The following CPEB3 variants were observed in gnomAD, a reference collection of about 807,000 sequenced individuals.
CPEB3 encodes the protein cytoplasmic polyadenylation element-binding protein 3.
A neutral mutation model predicts 67.2 loss-of-function variants in CPEB3; 20 were observed. The observed-to-expected ratio is 0.30, with a 90% CI of 0.21 to 0.43. CPEB3 has a LOEUF of 0.43. CPEB3 is among the 20% of genes least tolerant of loss of function. The probability of loss-of-function intolerance (pLI) is 1.00; values close to 1 mark genes in which losing one functional copy is unlikely to be tolerated. For synonymous variants in CPEB3, 376 were observed against 393.1 expected (o/e 0.96, Z 0.51); for missense variants, 746 against 968.6 (o/e 0.77, Z 3.05).
intron 6 of CPEB3, among the ~76,000 whole-genome samples, chr10:92,118,070 T>C (rs2133572387): frequency 6.6e-6 from 1 of 152,300 alleles, no homozygotes; most frequent in Middle Eastern, 3.4e-3. Context: ...CTTTTAAATA[T>C]CCCTAATACA....
At chr10:92,252,133 G>A (rs780436114) in intron 1 of CPEB3, among the ~76,000 whole-genome samples, 2 of 150,794 alleles carry the variant, frequency 1.3e-5, no homozygotes, top group Non-Finnish European at 3.0e-5. Context: ...CCCAAGAATA[G>A]GCAAAAGATT....
chr10:92,219,580 T>A (rs574618192), intron 2 of CPEB3, among the ~76,000 whole-genome samples: 2 of 152,314 alleles, frequency 1.3e-5, no homozygotes, highest in Admixed American at 6.5e-5. Context: ...TTTTCACATA[T>A]AACGAATCTC....
chr10:92,074,000 A>C (rs1276990303), intron 9 of CPEB3, among the ~76,000 whole-genome samples: 5 of 152,248 alleles, frequency 3.3e-5, no homozygotes, highest in Admixed American at 6.5e-5. Context: ...AAGTAGAAAA[A>C]GAAAGCTGTG....
At chr10:92,158,538 CTT>C (rs1348875330) in intron 4 of CPEB3, among the ~76,000 whole-genome samples, 7 of 152,188 alleles carry the variant, frequency 4.6e-5, no homozygotes, top group African/African-American at 1.7e-4. Flanking sequence ...CACTCTCTCT[CTT>C]CATAGATTCC....
At chr10:92,259,609 A>C (rs953876151) in intron 1 of CPEB3, among the ~76,000 whole-genome samples, 22 of 152,086 alleles carry the variant, frequency 1.4e-4, no homozygotes, top group Non-Finnish European at 4.4e-5. Context: ...CTCAAAAAAA[A>C]AAAAAAATCA....
Position 92,250,173 on chromosome 10 carries a change from G to A in CPEB3, c.-11-9812C>T, listed in dbSNP as rs891485335. ...CGCGATCTGAGCTCACTGCCAGCTC[G>A]GCCTCCTGGGTTCACGCCATTCTCC... On this transcript the variant is annotated intron_variant, in intron 1 of 9. Transcript: ENST00000265997. Among the ~76,000 whole-genome samples, 11 of 151,238 alleles carry A rather than the reference G, an allele frequency of 7.3e-5. No homozygotes were observed. In the East Asian group the frequency reaches 9.8e-4, roughly 14 times the overall value.
Position 92,177,714 on chromosome 10 carries a change from C to A in CPEB3, c.1222+3249G>T, listed in dbSNP as rs542385335. On this transcript the variant is annotated intron_variant, in intron 4 of 9. Transcript: ENST00000265997. ...TGGTGATTCTTGGAGGAAGGTATAACTGGAGGGCATGCACTAGGAACACCA... is the reference window on the plus strand; with the variant it reads ...TGGTGATTCTTGGAGGAAGGTATAAATGGAGGGCATGCACTAGGAACACCA... Among the ~76,000 whole-genome samples, 9 of 152,268 alleles carry A rather than the reference C, an allele frequency of 5.9e-5. No homozygotes were observed. The East Asian group carries it at 1.4e-3, about 23-fold the overall frequency.
chr10:92,080,885 C>T (rs1282336655), intron 9 of CPEB3, among the ~76,000 whole-genome samples: 2 of 152,142 alleles, frequency 1.3e-5, no homozygotes, highest in East Asian at 3.9e-4. Flanking sequence ...AGGTGTGAGC[C>T]ACCGCGCCCG....
At chr10:92,263,113 C>G (rs1852882923) in intron 1 of CPEB3, among the ~76,000 whole-genome samples, 1 of 152,136 alleles carries the variant, frequency 6.6e-6, no homozygotes, top group Non-Finnish European at 1.5e-5. Context: ...TCTCACTCCA[C>G]AGCCCAGGCT....
rs566346027 is a variant in CPEB3, at chr10:92,077,388, A to T, written c.1869+3932T>A. Among the ~76,000 whole-genome samples, 4 of 152,266 alleles carry T rather than the reference A, an allele frequency of 2.6e-5. No homozygotes were observed. In the East Asian group the frequency reaches 7.7e-4, roughly 29 times the overall value. On this transcript the variant is annotated intron_variant, in intron 9 of 9. Transcript: ENST00000265997. ...CAGAGTAACAGTTCTGGGGAAGGGA[A>T]TGTAATGTTCACAGATGAACAGTGA...
chr10:92,177,332 T>C (rs1331938239), intron 4 of CPEB3, among the ~76,000 whole-genome samples: 2 of 152,246 alleles, frequency 1.3e-5, no homozygotes, highest in Admixed American at 1.3e-4. Flanking sequence ...CAGAACTAAC[T>C]TTATTTTGGA....
chr10:92,222,885 A>G (rs986143176), intron 2 of CPEB3, among the ~76,000 whole-genome samples: 1 of 152,238 alleles, frequency 6.6e-6, no homozygotes, highest in African/African-American at 2.4e-5. Context: ...TTAGAACAGC[A>G]GAACTAAATT....
chr10:92,103,538 G>A (rs1480036172), intron 7 of CPEB3, among the ~76,000 whole-genome samples: 1 of 152,218 alleles, frequency 6.6e-6, no homozygotes, highest in African/African-American at 2.4e-5. Flanking sequence ...GTGCCTACAA[G>A]GCTCCCTGTC....
intron 3 of CPEB3, among the ~76,000 whole-genome samples, chr10:92,189,149 G>C (rs1053247337): frequency 2.6e-5 from 4 of 152,068 alleles, no homozygotes; most frequent in African/African-American, 9.7e-5. Flanking sequence ...TAAAGTACTA[G>C]ATATCCTATT....
chr10:92,142,506 G>T (rs1846483991), intron 6 of CPEB3, among the ~76,000 whole-genome samples: 2 of 152,230 alleles, frequency 1.3e-5, no homozygotes, highest in Non-Finnish European at 2.9e-5. Flanking sequence ...CCAAAAATCA[G>T]GGAAGCAAGG....
At chr10:92,138,825 G>A (rs1422617249) in intron 6 of CPEB3, among the ~76,000 whole-genome samples, 1 of 152,154 alleles carries the variant, frequency 6.6e-6, no homozygotes, top group Non-Finnish European at 1.5e-5. Flanking sequence ...GCTACCATAT[G>A]ATCCATCAAT....
chr10:92,227,896 T>C (rs576441126), intron 2 of CPEB3, among the ~76,000 whole-genome samples: 2 of 151,338 alleles, frequency 1.3e-5, no homozygotes, highest in Non-Finnish European at 2.9e-5. Context: ...CGGCCTATTT[T>C]TTTCTTTTTT....
chr10:92,156,567 C>G (rs1847220298), intron 4 of CPEB3, among the ~76,000 whole-genome samples: 1 of 152,196 alleles, frequency 6.6e-6, no homozygotes, highest in Non-Finnish European at 1.5e-5. Context: ...GCTGTCTATT[C>G]TCCAGATGGT....
At chr10:92,191,404 A>T (rs904331381) in intron 3 of CPEB3, among the ~76,000 whole-genome samples, 1 of 151,892 alleles carries the variant, frequency 6.6e-6, no homozygotes, top group East Asian at 1.9e-4. Context: ...TAAAAAAAAT[A>T]AAAAATAAAA....
Sources: allele counts gnomAD v4.1 joint callset (sites outside exome capture counted in the v4.1 genomes callset), GRCh38; gene constraint gnomAD v4.1.1; transcripts MANE v1.5; gene names NCBI Gene and HGNC (gene_info 2026-07-23, HGNC 2026-07-21).